Variants in ARHGEF38 observed in about 807,000 individuals in gnomAD.
ARHGEF38 encodes Rho guanine nucleotide exchange factor (GEF) 38.
ARHGEF38 carries 79 observed loss-of-function variants against 79.9 expected under a neutral mutation model. The ratio of observed to expected loss-of-function variants is 0.99; its 90% CI spans 0.82 to 1.19. ARHGEF38 has a LOEUF of 1.19. Ranked by LOEUF, ARHGEF38 falls within the 50% of genes most tolerant of loss-of-function variation. The probability of loss-of-function intolerance (pLI) is 0.00; values close to 1 mark genes in which losing one functional copy is unlikely to be tolerated. For synonymous variants in ARHGEF38, 366 were observed against 328.3 expected (o/e 1.11, Z -1.24); for missense variants, 962 against 907.2 (o/e 1.06, Z -0.78).
In ARHGEF38 at chr4:105,613,414, A is replaced by G; in HGVS notation, c.415A>G (p.Ser139Gly). Reference protein sequence around the residue: ...TDRLDVDSLFSNIESVHQISA... With the variant: ...TDRLDVDSLFGNIESVHQISA... ...TAGGCTGGATGTGGATAGCTTGTTT[A>G]GCAACATTGAGTCCGTGCATCAGAT... Residue 139 changes from serine (S) to glycine (G), a missense_variant, in exon 3 of 14, where the codon AGC (serine) becomes GGC (glycine). Physicochemically the swap from Ser to Gly is moderately conservative, Grantham distance 56. Coordinates refer to ENST00000420470, the MANE Select transcript of ARHGEF38 (RefSeq NM_001242729.2). The G allele has an allele frequency of 6.2e-7, 1 of 1,613,330 alleles. No homozygotes were observed. Among genetic ancestry groups the G allele is most frequent in the East Asian group, 2.2e-5 (1 of 44,872 alleles).
chr4:105,619,064 T>G (rs1475206872), intron 3 of ARHGEF38, among the ~76,000 whole-genome samples: 1 of 152,174 alleles, frequency 6.6e-6, no homozygotes, highest in Non-Finnish European at 1.5e-5. Context: ...GATTCACTAA[T>G]CATAGAATTC....
intron 1 of ARHGEF38, among the ~76,000 whole-genome samples, chr4:105,584,877 C>G (rs1052685277): frequency 2.0e-5 from 3 of 152,116 alleles, no homozygotes; most frequent in Non-Finnish European, 4.4e-5. Context: ...CAGTCCTCCC[C>G]CAACACCCCT....
rs1731242504 is a variant in ARHGEF38 at position 105,679,646 on chromosome 4, T to C, written c.*1709T>C. 4 of 799,904 alleles carry C rather than the reference T, an allele frequency of 5.0e-6. No homozygotes were observed. The Admixed American group carries it at 6.9e-5, about 14-fold the overall frequency. 49.6% of individuals were successfully genotyped at this position (799,904 alleles called of 1,614,324 possible). ...TAAGAAATGGAAGCCAGAGACCTTATGGCATCCATGCTTTTAAATTTAACT... is the reference window on the plus strand; with the variant it reads ...TAAGAAATGGAAGCCAGAGACCTTACGGCATCCATGCTTTTAAATTTAACT... On this transcript the variant is annotated 3_prime_UTR_variant, in exon 14 of 14. Coordinates refer to ENST00000420470, the MANE Select transcript of ARHGEF38 (RefSeq NM_001242729.2).
chr4:105,618,222 A>G (rs1403127074), intron 3 of ARHGEF38, among the ~76,000 whole-genome samples: 1 of 152,232 alleles, frequency 6.6e-6, no homozygotes, highest in Non-Finnish European at 1.5e-5. Context: ...TACAAATTTC[A>G]GTAGTAAAAT....
chr4:105,643,411 T>G (rs1174224654), intron 5 of ARHGEF38, among the ~76,000 whole-genome samples: 2 of 152,172 alleles, frequency 1.3e-5, no homozygotes, highest in Non-Finnish European at 2.9e-5. Context: ...TTGCAGACCT[T>G]TAATACTTAT....
intron 10 of ARHGEF38, among the ~76,000 whole-genome samples, 184 bp downstream of exon 10, chr4:105,659,549 A>C (rs1322641739): frequency 6.6e-6 from 1 of 152,154 alleles, no homozygotes; most frequent in Admixed American, 6.6e-5. Flanking sequence ...GGGAAACTCA[A>C]AGAGGGTTTC....
intron 1 of ARHGEF38, among the ~76,000 whole-genome samples, chr4:105,582,390 T>C (rs1726840583): frequency 6.6e-6 from 1 of 152,118 alleles, no homozygotes; most frequent in Admixed American, 6.5e-5. Flanking sequence ...ATAAATTTTC[T>C]GTAAGCAGTG....
In ARHGEF38 at chr4:105,666,224, A is replaced by G. The variant is rs993710267; in HGVS notation, c.1593A>G (p.Leu531=). Residue 531 remains leucine (L), a synonymous_variant, in exon 11 of 14, where the codon CTA becomes CTG. Coordinates refer to ENST00000420470, the MANE Select transcript of ARHGEF38 (RefSeq NM_001242729.2). ...SSISEIQNQV[L]EEIQNLNCVK... ...TTTCTGAGATTCAGAATCAAGTACT[A>G]GAAGAGATCCAAAATTTGAATTGTG... is the stretch of plus-strand genomic sequence containing the variant. 24 of 1,535,348 alleles carry G rather than the reference A, an allele frequency of 1.6e-5. No individual in the cohort carries two copies. The African/African-American group carries it at 3.3e-4, about 21-fold the overall frequency.
intron 1 of ARHGEF38, among the ~76,000 whole-genome samples, chr4:105,587,670 C>T (rs1222570809): frequency 6.6e-6 from 1 of 152,106 alleles, no homozygotes; most frequent in African/African-American, 2.4e-5. Context: ...CCGTGTTAGC[C>T]AGGATGATCT....
intron 1 of ARHGEF38, among the ~76,000 whole-genome samples, chr4:105,576,945 C>T (rs747136028): frequency 6.6e-6 from 1 of 152,046 alleles, no homozygotes; most frequent in East Asian, 1.9e-4. Flanking sequence ...TTAACCATCT[C>T]GGCAACCTGG....
chr4:105,596,499 G>C (rs1375208947), intron 2 of ARHGEF38, among the ~76,000 whole-genome samples: 1 of 152,146 alleles, frequency 6.6e-6, no homozygotes, highest in Non-Finnish European at 1.5e-5. Flanking sequence ...GAGACAGGGA[G>C]GAGGGGAATA....
intron 3 of ARHGEF38, among the ~76,000 whole-genome samples, chr4:105,618,579 C>A (rs1015194055): frequency 6.6e-6 from 1 of 152,104 alleles, no homozygotes; most frequent in South Asian, 2.1e-4. Flanking sequence ...TGAGATCGTG[C>A]CACTGCACTC....
Position 105,679,694 on chromosome 4 carries a change from C to A in ARHGEF38, c.*1757C>A, listed in dbSNP as rs1447360428. The A allele has an allele frequency of 1.6e-5, 13 of 794,236 alleles. No individual in the cohort carries two copies. In the South Asian group the frequency reaches 1.8e-4, roughly 11 times the overall value. The allele number at this position is 794,236 out of a possible 1,614,324, so 49.2% of individuals were successfully genotyped here. A position where few individuals can be genotyped will look rare whatever the true frequency, so the allele number is the denominator to read the frequency against. On this transcript the variant is annotated 3_prime_UTR_variant, in exon 14 of 14. Transcript: ENST00000420470. ...ACTAAATCCATTGTAGAAGGAACAC[C>A]TACACATTTAAAAGTAATTTGTGTT...
chr4:105,645,542 C>CT (rs1729803235), intron 6 of ARHGEF38, among the ~76,000 whole-genome samples, 155 bp downstream of exon 6: 1 of 152,014 alleles, frequency 6.6e-6, no homozygotes, highest in Admixed American at 6.6e-5. Flanking sequence ...GTGGTTTTGC[C>CT]TTGTCAGCTG....
Position 105,679,288 on chromosome 4 carries a change from G to A in ARHGEF38, c.*1351G>A, listed in dbSNP as rs1731227543. The A allele has an allele frequency of 1.4e-5, 10 of 726,532 alleles. No individual in the cohort carries two copies. The highest frequency in any genetic ancestry group is 1.2e-4 in the South Asian group (7 of 60,012). The allele number at this position is 726,532 out of a possible 1,614,324, so 45.0% of individuals were successfully genotyped here. On this transcript the variant is annotated 3_prime_UTR_variant, in exon 14 of 14. Coordinates refer to ENST00000420470, the MANE Select transcript of ARHGEF38 (RefSeq NM_001242729.2). ...TAGCTGGCACTGAGAGTATCCAGCC[G>A]GAATCATGCCACTTTGCCTGTAACC...
chr4:105,583,473 G>A (rs199328), intron 1 of ARHGEF38, among the ~76,000 whole-genome samples: 147,822 of 152,260 alleles, frequency 0.97, 71,758 homozygotes, highest in East Asian at 1. Context: ...CCACTGACCA[G>A]TTCATCTGCT....
At chr4:105,649,209 A>C (rs1310430947) in intron 7 of ARHGEF38, among the ~76,000 whole-genome samples, 1 of 152,160 alleles carries the variant, frequency 6.6e-6, no homozygotes, top group Non-Finnish European at 1.5e-5. Context: ...CCCCAGATGC[A>C]CATTATATTA....
chr4:105,623,946 C>T (rs1435817711), intron 3 of ARHGEF38, among the ~76,000 whole-genome samples: 1 of 152,182 alleles, frequency 6.6e-6, no homozygotes, highest in East Asian at 1.9e-4. Flanking sequence ...TTCAGAACAG[C>T]CCCTTCTTTG....
chr4:105,591,361 T>G (rs1727326273), intron 2 of ARHGEF38, among the ~76,000 whole-genome samples: 1 of 152,164 alleles, frequency 6.6e-6, no homozygotes, highest in Non-Finnish European at 1.5e-5. Context: ...CCCGAGTAGC[T>G]GGGACTACAG....
Sources: allele counts gnomAD v4.1 joint callset (sites outside exome capture counted in the v4.1 genomes callset), GRCh38; gene constraint gnomAD v4.1.1; transcripts MANE v1.5; gene names NCBI Gene and HGNC (gene_info 2026-07-23, HGNC 2026-07-21).